The following SNAP25 variants were observed in gnomAD, a reference collection of about 807,000 sequenced individuals.
The protein encoded by SNAP25 is synaptosome associated protein 25.
SNAP25 carries 3 observed loss-of-function variants against 28.7 expected under a neutral mutation model. The ratio of observed to expected loss-of-function variants is 0.10; its 90% CI spans 0.05 to 0.27. The LOEUF (loss-of-function observed/expected upper bound fraction) is 0.27, where lower values mean the gene tolerates loss of function less well. Ranked by LOEUF, SNAP25 falls within the 10% of genes least tolerant of loss-of-function variation. The pLI is 1.00. For synonymous variants in SNAP25, 61 were observed against 88.1 expected (o/e 0.69, Z 1.72); for missense variants, 117 against 278.7 (o/e 0.42, Z 4.13).
chr20:10,264,316 A>T (rs2063470084), intron 1 of SNAP25, among the ~76,000 whole-genome samples: 1 of 152,146 alleles, frequency 6.6e-6, no homozygotes, highest in Non-Finnish European at 1.5e-5. Flanking sequence ...ATATCCAGAC[A>T]TACAGATATA....
intron 1 of SNAP25, among the ~76,000 whole-genome samples, chr20:10,241,140 G>A (rs535681473): frequency 5.4e-5 from 8 of 146,866 alleles, no homozygotes; most frequent in African/African-American, 1.5e-4. Context: ...TTCTTGCGCC[G>A]AAGAGAACTG....
Position 10,299,395 on chromosome 20 carries a change from G to C in SNAP25, c.535G>C (p.Asp179His). ...GATCGATACACAGAATCGCCAGATC[G>C]ACAGGATCATGGAGAAGGTGAGCAC... Reference protein sequence around the residue: ...NEIDTQNRQIDRIMEKADSNK... With the variant: ...NEIDTQNRQIHRIMEKADSNK... The change falls in exon 7 of 8, where the codon GAC (aspartate) becomes CAC (histidine). Residue 179 changes from aspartate to histidine, a missense_variant. By Grantham distance (81) the Asp-to-His change is moderately conservative. Transcript: ENST00000254976. 1 of 1,613,634 alleles carries C rather than the reference G, an allele frequency of 6.2e-7. No homozygotes were observed. Among genetic ancestry groups the C allele is most frequent in the Non-Finnish European group, 8.5e-7 (1 of 1,179,772 alleles).
chr20:10,245,739 C>A (rs1307487993), intron 1 of SNAP25, among the ~76,000 whole-genome samples: 7 of 152,128 alleles, frequency 4.6e-5, no homozygotes, highest in Admixed American at 4.6e-4. Context: ...AATAAGTGCT[C>A]AACATGTGTC....
chr20:10,272,450 C>T (rs947688677), intron 1 of SNAP25, among the ~76,000 whole-genome samples: 4 of 152,290 alleles, frequency 2.6e-5, no homozygotes, highest in East Asian at 1.9e-4. Flanking sequence ...AACTTCCCCA[C>T]GGGTCCACTG....
intron 1 of SNAP25, among the ~76,000 whole-genome samples, chr20:10,271,564 G>T (rs1047546790): frequency 6.6e-6 from 1 of 152,234 alleles, no homozygotes; most frequent in Non-Finnish European, 1.5e-5. Flanking sequence ...CTGCCACATG[G>T]CTTCTCCGCC....
At chr20:10,252,414 A>ATGAT (rs1413414274) in intron 1 of SNAP25, among the ~76,000 whole-genome samples, 1 of 152,244 alleles carries the variant, frequency 6.6e-6, no homozygotes, top group African/African-American at 2.4e-5. Flanking sequence ...CAGATATATC[A>ATGAT]TTTGCTTCTT....
At chr20:10,277,155 T>G (rs2063705376) in intron 2 of SNAP25, among the ~76,000 whole-genome samples, 2 of 152,194 alleles carry the variant, frequency 1.3e-5, no homozygotes, top group Admixed American at 6.5e-5. Flanking sequence ...TATAGCTCTC[T>G]CCTATAGGCT....
chr20:10,222,147 A>C (rs2062646068), intron 1 of SNAP25, among the ~76,000 whole-genome samples: 1 of 152,268 alleles, frequency 6.6e-6, no homozygotes, highest in East Asian at 1.9e-4. Context: ...TGGGAGTTAT[A>C]AAATTTCATG....
chr20:10,286,077 T>C (rs1000797975), intron 4 of SNAP25, among the ~76,000 whole-genome samples: 7 of 152,176 alleles, frequency 4.6e-5, no homozygotes, highest in African/African-American at 1.7e-4. Context: ...CATTTACAGT[T>C]ATATGAAGTA....
chr20:10,250,634 A>C (rs2122803345), intron 1 of SNAP25, among the ~76,000 whole-genome samples: 1 of 152,358 alleles, frequency 6.6e-6, no homozygotes, highest in South Asian at 2.1e-4. Context: ...GTAAGTATTA[A>C]CATGCTCAAA....
intron 1 of SNAP25, among the ~76,000 whole-genome samples, chr20:10,244,845 C>T (rs6133835): frequency 1.3e-5 from 2 of 151,860 alleles, no homozygotes; most frequent in Non-Finnish European, 2.9e-5. Context: ...ATTCTCCTGC[C>T]TCAGCCTCAT....
At chr20:10,245,827 C>G (rs1455509570) in intron 1 of SNAP25, among the ~76,000 whole-genome samples, 5 of 152,214 alleles carry the variant, frequency 3.3e-5, no homozygotes, top group Non-Finnish European at 7.3e-5. Flanking sequence ...TTTGAAATCC[C>G]AAGAACACAT....
At chr20:10,305,349 C>T (rs944373903) in intron 7 of SNAP25, among the ~76,000 whole-genome samples, 3 of 152,060 alleles carry the variant, frequency 2.0e-5, no homozygotes, top group Non-Finnish European at 2.9e-5. Context: ...TGAGACCAGC[C>T]TGGGCAACAT....
intron 1 of SNAP25, among the ~76,000 whole-genome samples, chr20:10,259,333 G>A (rs1035620548): frequency 2.6e-5 from 4 of 152,180 alleles, no homozygotes; most frequent in Admixed American, 2.6e-4. Context: ...GCTGGCTTAG[G>A]AAATGTCTTT....
intron 1 of SNAP25, among the ~76,000 whole-genome samples, chr20:10,266,906 G>A (rs1342771823): frequency 2.0e-5 from 3 of 152,004 alleles, no homozygotes; most frequent in Non-Finnish European, 4.4e-5. Context: ...TTCCTTTTCT[G>A]CTTGATTTGA....
intron 1 of SNAP25, among the ~76,000 whole-genome samples, chr20:10,229,349 C>T (rs2062786139): frequency 6.6e-6 from 1 of 152,018 alleles, no homozygotes; most frequent in Non-Finnish European, 1.5e-5. Flanking sequence ...CAGAGAGATG[C>T]AAACCCAGAC....
At chr20:10,267,131 CA>C (rs1345226377) in intron 1 of SNAP25, among the ~76,000 whole-genome samples, 1 of 152,040 alleles carries the variant, frequency 6.6e-6, no homozygotes, top group African/African-American at 2.4e-5. Flanking sequence ...ATCACATTTT[CA>C]AATAACTCTT....
chr20:10,291,738 G>T (rs2064002730), intron 4 of SNAP25, among the ~76,000 whole-genome samples: 1 of 152,182 alleles, frequency 6.6e-6, no homozygotes, highest in South Asian at 2.1e-4. Flanking sequence ...GTACTTATCA[G>T]TTGTATTCTA....
chr20:10,262,060 A>G (rs367924010), intron 1 of SNAP25, among the ~76,000 whole-genome samples: 3 of 152,222 alleles, frequency 2.0e-5, no homozygotes, highest in African/African-American at 7.2e-5. Context: ...AAAGCCTTCT[A>G]TACCAAGGCC....
Sources: allele counts gnomAD v4.1 joint callset (sites outside exome capture counted in the v4.1 genomes callset), GRCh38; gene constraint gnomAD v4.1.1; transcripts MANE v1.5; gene names NCBI Gene and HGNC (gene_info 2026-07-23, HGNC 2026-07-21).